The following WDR70 variants were observed in gnomAD, a reference collection of about 807,000 sequenced individuals.
The protein encoded by WDR70 is WD repeat domain 70, also known as WD repeat-containing protein 70.
A neutral mutation model predicts 88.6 loss-of-function variants in WDR70; 53 were observed. That is an observed-to-expected ratio of 0.60 (90% CI 0.48 to 0.75). The LOEUF (loss-of-function observed/expected upper bound fraction) is 0.75, where lower values mean the gene tolerates loss of function less well. WDR70 is among the 30% of genes least tolerant of loss of function. WDR70 has a pLI of 0.00. For missense variants in WDR70, 610 were observed against 823.2 expected (o/e 0.74, Z 3.17); for synonymous variants, 280 against 270.0 (o/e 1.04, Z -0.36).
chr5:37,512,257 A>G (rs1740743103), intron 8 of WDR70, among the ~76,000 whole-genome samples: 1 of 151,896 alleles, frequency 6.6e-6, no homozygotes, highest in South Asian at 2.1e-4. Context: ...GGGTCTCATA[A>G]TGTTGCCCAG....
At chr5:37,671,260 T>C (rs889703545) in intron 10 of WDR70, among the ~76,000 whole-genome samples, 3 of 152,180 alleles carry the variant, frequency 2.0e-5, no homozygotes, top group Admixed American at 1.3e-4. Flanking sequence ...GTTTGGCTCA[T>C]CTTATTATTG....
chr5:37,752,502 A>C lies in WDR70; in HGVS notation c.1894A>C (p.Met632Leu). The C allele has an allele frequency of 6.2e-7, 1 of 1,612,100 alleles. No homozygotes were observed. The highest frequency in any genetic ancestry group is 1.7e-5 in the Admixed American group (1 of 59,524). The change falls in exon 18 of 18, where the codon ATG becomes CTG. Residue 632 changes from methionine to leucine, a missense_variant. Transcript: ENST00000265107. ...TTCTTTTAGGACTCAGCCCAAAACC[A>C]TGTTTGCCCAAGTTGAATCTGATGA... ...PAYSKTQPKT[M>L]FAQVESDDEE... is the part of the protein sequence containing the mutation.
intron 9 of WDR70, among the ~76,000 whole-genome samples, chr5:37,552,393 C>G (rs998786525): frequency 1.3e-5 from 2 of 152,134 alleles, no homozygotes; most frequent in South Asian, 2.1e-4. Flanking sequence ...TAAAATAAGA[C>G]TTAGACTACA....
chr5:37,701,751 A>C (rs1194362760), intron 12 of WDR70, among the ~76,000 whole-genome samples: 2 of 144,438 alleles, frequency 1.4e-5, no homozygotes, highest in Non-Finnish European at 3.0e-5. Context: ...GCGCCACTGC[A>C]CTCCAGCCTG....
chr5:37,564,045 G>C (rs1233210404), intron 9 of WDR70, among the ~76,000 whole-genome samples: 1 of 149,948 alleles, frequency 6.7e-6, no homozygotes, highest in Non-Finnish European at 1.5e-5. Flanking sequence ...TTCCAGACTG[G>C]GCAGCCAGGC....
intron 7 of WDR70, among the ~76,000 whole-genome samples, chr5:37,463,819 ACT>A (rs1358555984): frequency 1.3e-5 from 2 of 152,074 alleles, no homozygotes; most frequent in African/African-American, 4.8e-5. Flanking sequence ...TGTCCTTTTA[ACT>A]CTGTGGCTAG....
intron 7 of WDR70, among the ~76,000 whole-genome samples, chr5:37,470,268 AGT>A (rs1197839615): frequency 2.6e-5 from 4 of 152,204 alleles, no homozygotes; most frequent in African/African-American, 9.6e-5. Context: ...AAAGTGTGGT[AGT>A]GTACCCATTT....
intron 17 of WDR70, among the ~76,000 whole-genome samples, chr5:37,732,047 T>G (rs1219942467): frequency 6.6e-6 from 1 of 152,116 alleles, no homozygotes; most frequent in Non-Finnish European, 1.5e-5. Context: ...ATGTCTGAGA[T>G]TTAAAGTAGT....
chr5:37,597,329 A>G (rs544619269), intron 9 of WDR70, among the ~76,000 whole-genome samples: 9 of 152,198 alleles, frequency 5.9e-5, no homozygotes, highest in Admixed American at 2.0e-4. Context: ...GCACATTCCA[A>G]TTGCTCCATA....
intron 5 of WDR70, among the ~76,000 whole-genome samples, chr5:37,428,267 GT>G (rs1413477255): frequency 1.3e-5 from 2 of 152,054 alleles, no homozygotes; most frequent in African/African-American, 4.8e-5. Flanking sequence ...GTAAAAATTA[GT>G]TTTATCGAGG....
At chr5:37,532,362 T>C (rs939418591) in intron 9 of WDR70, among the ~76,000 whole-genome samples, 21 of 152,232 alleles carry the variant, frequency 1.4e-4, no homozygotes, top group African/African-American at 5.1e-4. Flanking sequence ...TTTTCCAAAG[T>C]TTTAGATTTC....
chr5:37,558,970 C>T (rs1044410831), intron 9 of WDR70, among the ~76,000 whole-genome samples: 1 of 150,618 alleles, frequency 6.6e-6, no homozygotes, highest in African/African-American at 2.4e-5. Context: ...CTAGCTCCGT[C>T]GCCTGGGCTG....
At chr5:37,606,504 T>C (rs1744035131) in intron 10 of WDR70, among the ~76,000 whole-genome samples, 1 of 152,198 alleles carries the variant, frequency 6.6e-6, no homozygotes, top group Admixed American at 6.5e-5. Flanking sequence ...TTGTATAGTG[T>C]ATATGTATGT....
At chr5:37,469,317 G>A (rs780694711) in intron 7 of WDR70, among the ~76,000 whole-genome samples, 2 of 152,118 alleles carry the variant, frequency 1.3e-5, no homozygotes, top group African/African-American at 2.4e-5. Flanking sequence ...TCTTGTTCTC[G>A]AGCCTATAAA....
At chr5:37,676,327 A>G (rs1746206307) in intron 10 of WDR70, among the ~76,000 whole-genome samples, 1 of 151,944 alleles carries the variant, frequency 6.6e-6, no homozygotes. Flanking sequence ...TTCAAAGGGA[A>G]TGCTTCCAGT....
chr5:37,479,767 C>G, intron 7 of WDR70, 67 bp from the exon 8 acceptor site: 1 of 1,495,042 alleles, frequency 6.7e-7, no homozygotes. Flanking sequence ...TCTGGCAATA[C>G]TTAATGTAGT....
At chr5:37,728,300 A>T (rs905421634) in intron 17 of WDR70, among the ~76,000 whole-genome samples, 1 of 150,468 alleles carries the variant, frequency 6.6e-6, no homozygotes, top group Non-Finnish European at 1.5e-5. Flanking sequence ...GTGAGCCAGG[A>T]TCACACCACT....
At chr5:37,628,047 C>T (rs950436392) in intron 10 of WDR70, among the ~76,000 whole-genome samples, 1 of 152,198 alleles carries the variant, frequency 6.6e-6, no homozygotes, top group African/African-American at 2.4e-5. Context: ...TCCTCAGCCT[C>T]CTTAGTAGCT....
At chr5:37,619,846 A>G (rs1289275494) in intron 10 of WDR70, 1 of 151,330 alleles carries the variant, frequency 6.6e-6, no homozygotes, top group African/African-American at 2.4e-5. Context: ...AATATGTTAG[A>G]TCCAAAATAA....
Sources: gnomAD v4.1 joint callset for allele counts (sites outside exome capture counted in the v4.1 genomes callset) on GRCh38, gnomAD v4.1.1 for gene constraint, MANE v1.5 for transcripts, NCBI Gene and HGNC (gene_info 2026-07-23, HGNC 2026-07-21) for gene names.